The following SPEF2 variants were observed in gnomAD, a reference collection of about 807,000 sequenced individuals.
SPEF2 encodes sperm flagellar and cilia associated 2, also known as sperm flagella and cilia-associated protein 2.
In SPEF2, 187 loss-of-function variants were observed where a neutral mutation model predicts 224.6. That is an observed-to-expected ratio of 0.83 (90% CI 0.74 to 0.94). The LOEUF (loss-of-function observed/expected upper bound fraction) is 0.94, where lower values mean the gene tolerates loss of function less well. Ranked by LOEUF, SPEF2 falls within the 40% of genes least tolerant of loss-of-function variation. The probability of loss-of-function intolerance (pLI) is 0.00; values close to 1 mark genes in which losing one functional copy is unlikely to be tolerated. For synonymous variants in SPEF2, 715 were observed against 707.3 expected (o/e 1.01, Z -0.17); for missense variants, 2,170 against 2,135.6 (o/e 1.02, Z -0.32).
Position 35,700,682 on chromosome 5 carries a change from T to G in SPEF2, c.2328T>G (p.Pro776=). The part of the protein sequence containing the change: ...ATSKEIPLPS[P]AFDFVILLDV... ...CCAAAGAAATACCTCTTCCCTCTCC[T>G]GCATTTGATTTTGTCATATTATTAG... is the stretch of plus-strand genomic sequence containing the variant. Residue 776 remains proline (P), a synonymous_variant, in exon 16 of 37, where the codon CCT becomes CCG. Transcript: ENST00000356031. 1 of 1,614,030 alleles carries G rather than the reference T, an allele frequency of 6.2e-7. No homozygotes were observed. Among genetic ancestry groups the G allele is most frequent in the South Asian group, 1.1e-5 (1 of 91,082 alleles).
At chr5:35,748,880 A>T (rs548673313) in intron 23 of SPEF2, among the ~76,000 whole-genome samples, 1 of 152,270 alleles carries the variant, frequency 6.6e-6, no homozygotes, top group South Asian at 2.1e-4. Context: ...GACATAACCA[A>T]AAAAGAAAAT....
chr5:35,724,862 A>G (rs1744368915), intron 20 of SPEF2, among the ~76,000 whole-genome samples: 1 of 152,224 alleles, frequency 6.6e-6, no homozygotes, highest in African/African-American at 2.4e-5. Context: ...AGAAAGGGGA[A>G]TCCTTTGCAA....
chr5:35,701,945 C>T (rs1271892824), intron 16 of SPEF2, among the ~76,000 whole-genome samples: 1 of 152,118 alleles, frequency 6.6e-6, no homozygotes, highest in East Asian at 1.9e-4. Flanking sequence ...CACCACAGCA[C>T]TTCAACCTGG....
intron 34 of SPEF2, among the ~76,000 whole-genome samples, chr5:35,805,375 A>G (rs1018495935): frequency 2.0e-5 from 3 of 152,160 alleles, no homozygotes; most frequent in Non-Finnish European, 4.4e-5. Flanking sequence ...GCTTAATTTT[A>G]TGCTGCATCA....
At chr5:35,723,174 C>T (rs977616725) in intron 20 of SPEF2, among the ~76,000 whole-genome samples, 8 of 152,052 alleles carry the variant, frequency 5.3e-5, no homozygotes, top group African/African-American at 1.9e-4. Flanking sequence ...CCAGGGACCC[C>T]CTCCCACCTG....
intron 30 of SPEF2, chr5:35,788,366 A>G (rs1374177438): frequency 2.8e-6 from 2 of 703,044 alleles, no homozygotes; most frequent in Admixed American, 4.0e-5. Context: ...CAGAACTAAA[A>G]AATCAGCAAG....
chr5:35,660,018 C>T (rs749162996), intron 8 of SPEF2, among the ~76,000 whole-genome samples: 16 of 152,122 alleles, frequency 1.1e-4, no homozygotes, highest in Non-Finnish European at 2.1e-4. Context: ...CAGAAACTCA[C>T]ATCTGGGCTG....
chr5:35,709,571 T>C (rs1036559597), intron 19 of SPEF2: 118 of 986,206 alleles, frequency 1.2e-4, no homozygotes, highest in Non-Finnish European at 1.4e-4. Flanking sequence ...AGAATTTATA[T>C]GTAATTGTAA....
chr5:35,806,682 A>T, intron 34 of SPEF2, 25 bp from the exon 35 acceptor site: 1 of 1,592,568 alleles, frequency 6.3e-7, no homozygotes, highest in Non-Finnish European at 8.5e-7. Flanking sequence ...GTTTAACTTC[A>T]TGTTCTCTTC....
At chr5:35,813,360 CAT>C (rs1401438091) in intron 36 of SPEF2, among the ~76,000 whole-genome samples, 1 of 151,916 alleles carries the variant, frequency 6.6e-6, no homozygotes, top group Non-Finnish European at 1.5e-5. Flanking sequence ...GACATGGTGA[CAT>C]GTGCCTGTAG....
At chr5:35,655,750 G>T (rs1040311804) in intron 7 of SPEF2, among the ~76,000 whole-genome samples, 3 of 152,214 alleles carry the variant, frequency 2.0e-5, no homozygotes, top group African/African-American at 4.8e-5. Flanking sequence ...ATGCCATCTG[G>T]CAGGAGTCAC....
chr5:35,795,798 A>G lies in SPEF2; in HGVS notation c.4830+3A>G. The G allele has an allele frequency of 6.2e-7, 1 of 1,601,096 alleles. No homozygotes were observed. The highest frequency in any genetic ancestry group is 8.5e-7 in the Non-Finnish European group (1 of 1,171,030). On this transcript the variant is annotated splice_donor_region_variant and intron_variant, in intron 33 of 36. Transcript: ENST00000356031. ...ATAGGCAGGAGCATCTTATAGAGGT[A>G]ATGACTGAGATCTTTAAAACATGTG...
intron 10 of SPEF2, among the ~76,000 whole-genome samples, chr5:35,687,425 A>G (rs1418083271): frequency 6.9e-6 from 1 of 145,748 alleles, no homozygotes; most frequent in African/African-American, 2.5e-5. Context: ...TTTTTAATGG[A>G]TTTTTTTTTT....
chr5:35,790,919 T>G (rs1411082910), intron 30 of SPEF2: 1 of 152,236 alleles, frequency 6.6e-6, no homozygotes, highest in Non-Finnish European at 1.5e-5. Flanking sequence ...GTTTTCACAT[T>G]TCATGCTAAA....
intron 23 of SPEF2, among the ~76,000 whole-genome samples, chr5:35,745,718 G>T (rs1029144928): frequency 6.6e-6 from 1 of 152,164 alleles, no homozygotes; most frequent in Non-Finnish European, 1.5e-5. Context: ...TGCCACACCT[G>T]ATGGTCCTTT....
chr5:35,710,908 A>T, intron 19 of SPEF2: 1 of 983,348 alleles, frequency 1.0e-6, no homozygotes, highest in Non-Finnish European at 1.2e-6. Context: ...CCTGATATTT[A>T]AGAATGTTTA....
At chr5:35,758,528 G>T (rs1750764557) in intron 24 of SPEF2, among the ~76,000 whole-genome samples, 1 of 152,192 alleles carries the variant, frequency 6.6e-6, no homozygotes, top group Non-Finnish European at 1.5e-5. Context: ...CTGACAGGGA[G>T]TCACAACAAG....
chr5:35,740,751 G>A (rs1327353050), intron 23 of SPEF2, among the ~76,000 whole-genome samples: 2 of 152,080 alleles, frequency 1.3e-5, no homozygotes, highest in Non-Finnish European at 2.9e-5. Context: ...TCCTGGTAGT[G>A]CCCCAGCAAG....
chr5:35,636,155 TAA>T (rs995229749), intron 2 of SPEF2, among the ~76,000 whole-genome samples: 7 of 152,342 alleles, frequency 4.6e-5, no homozygotes, highest in East Asian at 1.9e-4. Context: ...ACTAATTCTG[TAA>T]AGTCTATGTT....
Sources: allele counts gnomAD v4.1 joint callset (sites outside exome capture counted in the v4.1 genomes callset), GRCh38; gene constraint gnomAD v4.1.1; transcripts MANE v1.5; gene names NCBI Gene and HGNC (gene_info 2026-07-23, HGNC 2026-07-21).